PHB2: variants seen among roughly 807,000 people sequenced by gnomAD.
PHB2 encodes prohibitin-2.
PHB2 carries 22 observed loss-of-function variants against 46.4 expected under a neutral mutation model. That is an observed-to-expected ratio of 0.47 (90% confidence interval 0.34 to 0.68). The LOEUF is 0.68. PHB2 is among the 30% of genes least tolerant of loss of function. PHB2 has a pLI of 0.01. For missense variants in PHB2, 305 were observed against 382.8 expected (o/e 0.80, Z 1.70); for synonymous variants, 156 against 150.5 (o/e 1.04, Z -0.27).
intron 9 of PHB2, 62 bp from the exon 10 acceptor site, chr12:6,965,774 A>C: frequency 6.4e-7 from 1 of 1,551,358 alleles, no homozygotes; most frequent in Non-Finnish European, 8.9e-7. Context: ...GAGGCAGGAC[A>C]CTCTAGGCCA....
Position 6,966,450 on chromosome 12 carries a change from C to T in PHB2, c.840G>A (p.Leu280=). Reference sequence around the variant, plus strand: ...TGGTGAAACTTTCATCCTGTAGGTTCAGCACAAGGTTGTCAGCTGTGAGAT... The same window carrying T: ...TGGTGAAACTTTCATCCTGTAGGTTTAGCACAAGGTTGTCAGCTGTGAGAT... ...RIYLTADNLV[L]NLQDESFTRG... Residue 280 remains leucine (L), a synonymous_variant, in exon 8 of 10, where the codon CTG becomes CTA. Coordinates refer to ENST00000535923, the MANE Select transcript of PHB2 (RefSeq NM_001144831.2). 1 of 1,610,408 alleles carries T rather than the reference C, an allele frequency of 6.2e-7. No homozygotes were observed. The highest frequency in any genetic ancestry group is 1.7e-4 in the Middle Eastern group (1 of 6,058).
rs782297873 is a variant in PHB2 at position 6,970,187 on chromosome 12, C to G, written c.212+9G>C. 3 of 1,605,736 alleles carry G rather than the reference C, an allele frequency of 1.9e-6. No individual in the cohort carries two copies. The highest frequency in any genetic ancestry group is 4.5e-5 in the East Asian group (2 of 44,856). On this transcript the variant is annotated intron_variant, in intron 2 of 9. Coordinates refer to ENST00000535923, the MANE Select transcript of PHB2 (RefSeq NM_001144831.2). ...AAGGTCAGGGTCAGCAGGCTCTGCCCGCCATTACCTGAAGTGAAGGCCCTC... is the reference window on the plus strand; with the variant it reads ...AAGGTCAGGGTCAGCAGGCTCTGCCGGCCATTACCTGAAGTGAAGGCCCTC...
Position 6,967,175 on chromosome 12 carries a change from T to C in PHB2, c.785A>G (p.Lys262Arg). 3.2e-6 allele frequency: 5 copies of C among 1,573,460 alleles called. No individual in the cohort carries two copies. The highest frequency in any genetic ancestry group is 1.7e-4 in the Middle Eastern group (1 of 5,990). ...RKIRAAQNIS[K>R]TIATSQNRIY... ...ACGCTGGGCTGACACACTCACCGTC[T>C]TGGAGATATTCTGGGCTGCTCGAAT... Residue 262 changes from lysine (K) to arginine (R), a missense_variant, in exon 7 of 10, where the codon AAG becomes AGG. By Grantham distance (26) the Lys-to-Arg change is conservative (BLOSUM62 2). Coordinates refer to ENST00000535923, the MANE Select transcript of PHB2 (RefSeq NM_001144831.2). The surrounding 1 kb of genome is among the most constrained non-coding windows in gnomAD (Gnocchi z 4.9).
intron 2 of PHB2, 94 bp from the exon 3 acceptor site, chr12:6,969,671 G>A (rs1946283228): frequency 2.2e-5 from 15 of 687,760 alleles, no homozygotes; most frequent in Middle Eastern, 3.5e-4. Flanking sequence ...AGGCCGAGGC[G>A]GGCGGATCAT....
chr12:6,968,848 G>C, intron 3 of PHB2: 2 of 514,886 alleles, frequency 3.9e-6, no homozygotes, highest in Non-Finnish European at 7.2e-6. Context: ...TCTGTACTCT[G>C]TGCAACCTCT....
chr12:6,968,751 C>A, intron 3 of PHB2, 156 bp from the exon 4 acceptor site: 1 of 685,788 alleles, frequency 1.5e-6, no homozygotes, highest in South Asian at 1.6e-5. Context: ...GAAGACAAGA[C>A]GCAGCACAGC....
At position 6,967,593 on chromosome 12, in the gene PHB2, G is replaced by A. The variant is rs1271834448; in HGVS notation, c.711+83C>T. On this transcript the variant is annotated intron_variant, in intron 6 of 9. Coordinates refer to ENST00000535923, the MANE Select transcript of PHB2 (RefSeq NM_001144831.2). This position sits in a 1 kb window ranked among gnomAD's most constrained non-coding sequence, Gnocchi z 4.9. ...AGAGCACGGAGTCGCATTCGCCTTA[G>A]TCTCATCAGCCTGCCCATGAAGGAG... 2.6e-6 allele frequency: 3 copies of A among 1,161,000 alleles called. No homozygotes were observed. The highest frequency in any genetic ancestry group is 3.9e-6 in the Non-Finnish European group (3 of 771,030). 71.9% of individuals were successfully genotyped at this position (1,161,000 alleles called of 1,614,324 possible). A position where few individuals can be genotyped will look rare whatever the true frequency, so the allele number is the denominator to read the frequency against.
In PHB2 at chr12:6,970,649, G is replaced by T; in HGVS notation, c.-106C>A. 1 of 1,360,624 alleles carries T rather than the reference G, an allele frequency of 7.3e-7. No individual in the cohort carries two copies. Among genetic ancestry groups the T allele is most frequent in the South Asian group, 1.4e-5 (1 of 71,468 alleles). 84.3% of individuals were successfully genotyped at this position (1,360,624 alleles called of 1,614,324 possible). Reference sequence around the variant, plus strand: ...ACCCTTCACACGAGGGTTCGGGCCCGTAAGGCTGGCGAAAGAAAGGGCAGC... The same window carrying T: ...ACCCTTCACACGAGGGTTCGGGCCCTTAAGGCTGGCGAAAGAAAGGGCAGC... On this transcript the variant is annotated 5_prime_UTR_variant, in exon 1 of 10. Transcript: ENST00000535923.
chr12:6,969,191 G>A (rs1212849395), intron 3 of PHB2, among the ~76,000 whole-genome samples: 4 of 151,982 alleles, frequency 2.6e-5, no homozygotes, highest in African/African-American at 9.7e-5. Context: ...TGTAACTGTA[G>A]ATATAGTAAG....
At position 6,967,652 on chromosome 12, in the gene PHB2, G is replaced by T. The variant is rs782620745; in HGVS notation, c.711+24C>A. 2 of 1,586,126 alleles carry T rather than the reference G, an allele frequency of 1.3e-6. No individual in the cohort carries two copies. Among genetic ancestry groups the T allele is most frequent in the Admixed American group, 3.3e-5 (2 of 59,892 alleles). On this transcript the variant is annotated intron_variant, in intron 6 of 9. Transcript: ENST00000535923. The surrounding 1 kb of genome is among the most constrained non-coding windows in gnomAD (Gnocchi z 4.9). ...ACTCAGGTGCCCTAGGGGCTGGGCT[G>T]AGATCTCTCCAGCAGAAGGATATCA...
chr12:6,966,299 C>G (rs185854225), intron 8 of PHB2, 125 bp downstream of exon 8: 2 of 691,726 alleles, frequency 2.9e-6, no homozygotes, highest in East Asian at 5.1e-5. Flanking sequence ...CAACCACCCC[C>G]TTTTCTAATT....
At chr12:6,966,022 G>A in intron 8 of PHB2, 106 bp from the exon 9 acceptor site, 1 of 1,240,154 alleles carries the variant, frequency 8.1e-7, no homozygotes, top group African/African-American at 1.5e-5. Flanking sequence ...TTGCTCCCAA[G>A]AGAAAAGATA....
chr12:6,966,894 G>A (rs1946219856), intron 7 of PHB2, among the ~76,000 whole-genome samples: 1 of 152,132 alleles, frequency 6.6e-6, no homozygotes, highest in Admixed American at 6.5e-5. Context: ...ATAGCTAAAC[G>A]CCACCACAGC....
chr12:6,966,404 A>T lies in PHB2; in HGVS notation c.866+20T>A, dbSNP rs782256465. 8.1e-6 allele frequency: 12 copies of T among 1,481,830 alleles called. No individual in the cohort carries two copies. Among genetic ancestry groups the T allele is most frequent in the Admixed American group, 1.7e-5 (1 of 59,866 alleles). 91.8% of individuals were successfully genotyped at this position (1,481,830 alleles called of 1,614,324 possible). A position where few individuals can be genotyped will look rare whatever the true frequency, so the allele number is the denominator to read the frequency against. ...TCCCACGTTCTTGGTGATACCCCAC[A>T]GTGTGGCCACATCTCTCACCTGGTG... On this transcript the variant is annotated intron_variant, in intron 8 of 9. Transcript: ENST00000535923.
chr12:6,968,803 C>T (rs943283223), intron 3 of PHB2: 154 of 596,744 alleles, frequency 2.6e-4, no homozygotes, highest in Non-Finnish European at 3.9e-4. Context: ...GAACTGCAAA[C>T]CCCGTCACCA....
intron 9 of PHB2, 93 bp from the exon 10 acceptor site, chr12:6,965,805 C>T (rs1482551097): frequency 1.9e-6 from 3 of 1,556,772 alleles, no homozygotes; most frequent in Non-Finnish European, 2.6e-6. Flanking sequence ...GACCCTCCTA[C>T]CCTGATTGAG....
chr12:6,969,687 G>C (rs2138309212), intron 2 of PHB2, 110 bp from the exon 3 acceptor site: 2 of 647,908 alleles, frequency 3.1e-6, no homozygotes, highest in East Asian at 5.4e-5. Flanking sequence ...ATCATTTGAG[G>C]TCAGGAGTTC....
At chr12:6,966,525 T>A (rs1946214058) in intron 7 of PHB2, 25 bp from the exon 8 acceptor site, 1 of 1,484,156 alleles carries the variant, frequency 6.7e-7, no homozygotes, top group South Asian at 1.1e-5. Context: ...ATAAGACAGA[T>A]GCTTGCATTA....
intron 2 of PHB2, 65 bp from the exon 3 acceptor site, chr12:6,969,642 G>A: frequency 1.1e-6 from 1 of 888,022 alleles, no homozygotes; most frequent in Non-Finnish European, 1.9e-6. Flanking sequence ...GCTCACGCCT[G>A]TAATCCCAGC....
Sources: gnomAD v4.1 joint callset for allele counts (sites outside exome capture counted in the v4.1 genomes callset) on GRCh38, gnomAD v4.1.1 for gene constraint, Gnocchi (gnomAD v3.1) non-coding constraint, MANE v1.5 for transcripts, NCBI Gene and HGNC (gene_info 2026-07-23, HGNC 2026-07-21) for gene names.